CORO2B: variants seen among roughly 807,000 people sequenced by gnomAD.
CORO2B encodes coronin 2B.
A neutral mutation model predicts 58.8 loss-of-function variants in CORO2B; 26 were observed. The ratio of observed to expected loss-of-function variants is 0.44; its 90% CI spans 0.32 to 0.61. The LOEUF is 0.61. Ranked by LOEUF, CORO2B falls within the 20% of genes least tolerant of loss-of-function variation. CORO2B has a pLI of 0.04. For synonymous variants in CORO2B, 242 were observed against 253.8 expected (o/e 0.95, Z 0.44); for missense variants, 460 against 645.1 (o/e 0.71, Z 3.11).
chr15:68,634,955 C>G (rs972958251), intron 1 of CORO2B, among the ~76,000 whole-genome samples: 2 of 152,178 alleles, frequency 1.3e-5, no homozygotes, highest in Non-Finnish European at 2.9e-5. Context: ...CAGGAAGCAC[C>G]TGGTGGGCTT....
chr15:68,697,194 ATGGATGGATGGATGGATTGT>A, intron 3 of CORO2B, among the ~76,000 whole-genome samples: 1 of 151,608 alleles, frequency 6.6e-6, no homozygotes, highest in South Asian at 2.1e-4. Flanking sequence ...GGATTGTTGG[ATGGATGGATGGATGGATTGT>A]TGGATGGATG....
At chr15:68,543,395 G>A in the CORO2B span, among the ~76,000 whole-genome samples, 10 of 152,092 alleles carry the variant, frequency 6.6e-5, no homozygotes. Flanking sequence ...GTCACTATCA[G>A]CATCATTCTC....
Position 68,682,102 on chromosome 15 carries a change from C to T in CORO2B, c.217-13038C>T, listed in dbSNP as rs62002152. 2.0e-3 allele frequency among the ~76,000 whole-genome samples: 307 copies of T among 152,240 alleles called. 1 individual carries two copies. Among genetic ancestry groups the T allele is most frequent in the Middle Eastern group, 6.8e-3 (2 of 294 alleles). On this transcript the variant is annotated intron_variant, in intron 2 of 11. Coordinates refer to ENST00000261861, the MANE Select transcript of CORO2B (RefSeq NM_006091.5). Reference sequence around the variant, plus strand: ...TGGGTAGGAGGAACCCCTGCTTCAGCTTTCATGGTAGGGCACTGCATCCCA... The same window carrying T: ...TGGGTAGGAGGAACCCCTGCTTCAGTTTTCATGGTAGGGCACTGCATCCCA...
intron 2 of CORO2B, among the ~76,000 whole-genome samples, chr15:68,666,893 C>T (rs969702411): frequency 3.3e-5 from 5 of 152,112 alleles, no homozygotes; most frequent in Middle Eastern, 3.2e-3. Context: ...GTGGTATGGC[C>T]GTAGACCAGC....
chr15:68,547,510 T>G, the CORO2B span, among the ~76,000 whole-genome samples: 1 of 152,146 alleles, frequency 6.6e-6, no homozygotes, highest in Non-Finnish European at 1.5e-5. Context: ...TTATGCTAAT[T>G]TTTTTGTGTT....
intron 3 of CORO2B, among the ~76,000 whole-genome samples, chr15:68,705,020 A>C (rs1340772036): frequency 2.0e-5 from 3 of 152,192 alleles, no homozygotes; most frequent in African/African-American, 7.2e-5. Context: ...TTCCTTTCCC[A>C]GCTACTCAGG....
the CORO2B span, among the ~76,000 whole-genome samples, chr15:68,560,646 C>T: frequency 6.6e-6 from 1 of 152,164 alleles, no homozygotes. Flanking sequence ...CAGTGTGCAG[C>T]CTCCTGTCTC....
chr15:68,710,753 G>C lies in CORO2B; in HGVS notation c.355G>C (p.Glu119Gln). The stretch of plus-strand genomic sequence containing the variant: ...GCAGGTGCGGATCTGGGAGATCCCC[G>C]AGGGCGGGCTGAAGCGGAACATGAC... ...DTSVRIWEIPEGGLKRNMTEA... is the reference protein window; with the variant it reads ...DTSVRIWEIPQGGLKRNMTEA... Residue 119 changes from glutamate to glutamine, a missense_variant, in exon 4 of 12, where the codon GAG becomes CAG. Glu to Gln is a conservative substitution (Grantham distance 29). Coordinates refer to ENST00000261861, the MANE Select transcript of CORO2B (RefSeq NM_006091.5). This position sits in a 1 kb window ranked among gnomAD's most constrained non-coding sequence, Gnocchi z 4.1. The C allele has an allele frequency of 3.7e-6, 6 of 1,609,734 alleles. No homozygotes were observed. The highest frequency in any genetic ancestry group is 5.1e-6 in the Non-Finnish European group (6 of 1,177,910).
At chr15:68,558,048 G>A in the CORO2B span, among the ~76,000 whole-genome samples, 1 of 152,158 alleles carries the variant, frequency 6.6e-6, no homozygotes, top group East Asian at 1.9e-4. Flanking sequence ...TTAACCCAAT[G>A]GCAGGCAGGG....
At chr15:68,672,946 A>G (rs903594471) in intron 2 of CORO2B, among the ~76,000 whole-genome samples, 8 of 152,144 alleles carry the variant, frequency 5.3e-5, no homozygotes, top group African/African-American at 1.9e-4. Flanking sequence ...AATGGGGGGT[A>G]CCAGGGTGTG....
At chr15:68,600,622 C>G (rs1041550111) in intron 1 of CORO2B, among the ~76,000 whole-genome samples, 1 of 152,180 alleles carries the variant, frequency 6.6e-6, no homozygotes, top group African/African-American at 2.4e-5. Flanking sequence ...CCTTCAGATA[C>G]CCTTGTGCCC....
At chr15:68,713,887 G>A in intron 5 of CORO2B, 38 bp from the exon 6 acceptor site, 1 of 1,460,458 alleles carries the variant, frequency 6.8e-7, no homozygotes, top group East Asian at 2.3e-5. Flanking sequence ...CCCACATGTT[G>A]GGGACCCTGG....
chr15:68,702,721 T>G (rs1372988108), intron 3 of CORO2B, among the ~76,000 whole-genome samples: 1 of 152,086 alleles, frequency 6.6e-6, no homozygotes, highest in African/African-American at 2.4e-5. Context: ...TCTCTGTGGA[T>G]TGGTTAGATG....
chr15:68,551,405 T>A, the CORO2B span, among the ~76,000 whole-genome samples: 1,048 of 152,228 alleles, frequency 6.9e-3, 11 homozygotes, highest in African/African-American at 0.024. Context: ...TTGAGAGCCT[T>A]GCCTCAAAGT....
intron 1 of CORO2B, among the ~76,000 whole-genome samples, chr15:68,631,484 T>A (rs1347577786): frequency 6.6e-6 from 1 of 152,212 alleles, no homozygotes; most frequent in Non-Finnish European, 1.5e-5. Flanking sequence ...TAAACCTGTG[T>A]CTGTCTGTGA....
chr15:68,702,251 C>G (rs12907028), intron 3 of CORO2B, among the ~76,000 whole-genome samples: 97,419 of 152,038 alleles, frequency 0.64, 32,765 homozygotes, highest in East Asian at 0.87. Context: ...TTTCTCACCT[C>G]TGTGGGCCTC....
At chr15:68,617,161 G>T (rs543612200) in intron 1 of CORO2B, among the ~76,000 whole-genome samples, 61 of 152,182 alleles carry the variant, frequency 4.0e-4, no homozygotes, top group African/African-American at 1.4e-3. Context: ...ATTGGCTTTC[G>T]TGGGCTCCAG....
At chr15:68,589,204 C>T (rs144423027) in intron 1 of CORO2B, among the ~76,000 whole-genome samples, 215 of 152,306 alleles carry the variant, frequency 1.4e-3, no homozygotes, top group Admixed American at 2.2e-3. Context: ...GGTATACCAG[C>T]CAGCAGGTAA....
intron 2 of CORO2B, among the ~76,000 whole-genome samples, chr15:68,689,790 G>T (rs1021529481): frequency 6.6e-6 from 1 of 152,162 alleles, no homozygotes; most frequent in Non-Finnish European, 1.5e-5. Context: ...CATTTTGTTT[G>T]TTCTTTAATT....
Sources: allele counts gnomAD v4.1 joint callset (sites outside exome capture counted in the v4.1 genomes callset), GRCh38; gene constraint gnomAD v4.1.1; non-coding constraint Gnocchi (gnomAD v3.1); transcripts MANE v1.5; gene names NCBI Gene and HGNC (gene_info 2026-07-23, HGNC 2026-07-21).